Variants in MSI1 observed in about 807,000 individuals in gnomAD.
The protein encoded by MSI1 is RNA-binding protein Musashi homolog 1.
A neutral mutation model predicts 54.4 loss-of-function variants in MSI1; 15 were observed. The observed-to-expected ratio is 0.28, with a 90% CI of 0.18 to 0.42. MSI1 has a LOEUF of 0.42. Ranked by LOEUF, MSI1 falls within the 20% of genes least tolerant of loss-of-function variation. MSI1 has a pLI of 1.00. For synonymous variants in MSI1, 200 were observed against 196.5 expected (o/e 1.02, Z -0.15); for missense variants, 304 against 506.0 (o/e 0.60, Z 3.83).
intron 11 of MSI1, among the ~76,000 whole-genome samples, chr12:120,349,892 G>A (rs1874448081): frequency 6.6e-6 from 1 of 152,220 alleles, no homozygotes; most frequent in Non-Finnish European, 1.5e-5. Flanking sequence ...CCCAGCATGT[G>A]CTTACCACAC....
intron 6 of MSI1, among the ~76,000 whole-genome samples, chr12:120,359,664 C>T (rs1385429745): frequency 2.0e-5 from 3 of 152,180 alleles, no homozygotes; most frequent in Non-Finnish European, 1.5e-5. Context: ...ATCATCCATC[C>T]TCTCTTGGAC....
intron 10 of MSI1, among the ~76,000 whole-genome samples, chr12:120,351,712 T>C (rs1039087922): frequency 5.3e-4 from 6 of 11,366 alleles, no homozygotes; most frequent in African/African-American, 2.4e-3. Context: ...TCTTTCTCTC[T>C]TTTTTTTTTT....
At chr12:120,345,672 T>C in intron 13 of MSI1, 40 bp from the exon 14 acceptor site, 1 of 1,610,450 alleles carries the variant, frequency 6.2e-7, no homozygotes, top group East Asian at 2.2e-5. Context: ...TCCTGGGAAA[T>C]AGAGGAAGAT....
chr12:120,340,249 G>A (rs772683834), downstream of MSI1, among the ~76,000 whole-genome samples: 22 of 151,892 alleles, frequency 1.4e-4, no homozygotes, highest in Non-Finnish European at 3.1e-4. Flanking sequence ...ACCACACCCA[G>A]CTAATTTTTT....
intron 12 of MSI1, 149 bp from the exon 13 acceptor site, chr12:120,346,471 T>A: frequency 1.4e-6 from 1 of 736,706 alleles, no homozygotes; most frequent in Non-Finnish European, 2.0e-6. Flanking sequence ...CCCATGCCCA[T>A]CCACCCAGTC....
At chr12:120,361,581 G>A (rs1390267867) in intron 6 of MSI1, 1 of 152,592 alleles carries the variant, frequency 6.6e-6, no homozygotes, top group Non-Finnish European at 1.5e-5. Flanking sequence ...GAGGGCAGGG[G>A]GGATCGGGCG....
chr12:120,365,659 C>T (rs535620767), intron 4 of MSI1, among the ~76,000 whole-genome samples: 1 of 152,320 alleles, frequency 6.6e-6, no homozygotes, highest in African/African-American at 2.4e-5. Flanking sequence ...GTACTATCAA[C>T]ATCAAATAGC....
Position 120,368,162 on chromosome 12 carries a change from G to A in MSI1, c.182+30C>T, listed in dbSNP as rs1039751095. ...AGTGGCGGGTGGAGGGGGGCGAGCCGGGAGCAGGAGGAGGGGGTGAGGGGC... is the reference window on the plus strand; with the variant it reads ...AGTGGCGGGTGGAGGGGGGCGAGCCAGGAGCAGGAGGAGGGGGTGAGGGGC... On this transcript the variant is annotated intron_variant, in intron 3 of 14. Coordinates refer to ENST00000257552, the MANE Select transcript of MSI1 (RefSeq NM_002442.4). This position sits in a 1 kb window ranked among gnomAD's most constrained non-coding sequence, Gnocchi z 6.6. 5 of 1,579,416 alleles carry A rather than the reference G, an allele frequency of 3.2e-6. No individual in the cohort carries two copies. The highest frequency in any genetic ancestry group is 4.3e-6 in the Non-Finnish European group (5 of 1,162,052).
At chr12:120,344,220 T>G (rs1315376210) in intron 14 of MSI1, among the ~76,000 whole-genome samples, 1 of 152,232 alleles carries the variant, frequency 6.6e-6, no homozygotes, top group East Asian at 1.9e-4. Context: ...TTTAACCACT[T>G]TCCTTTTGAT....
intron 9 of MSI1, 60 bp downstream of exon 9, chr12:120,356,842 C>T: frequency 2.7e-6 from 4 of 1,469,586 alleles, no homozygotes; most frequent in South Asian, 1.1e-5. Flanking sequence ...CCACACAGCC[C>T]CTGCTAGTCC....
intron 6 of MSI1, chr12:120,361,343 C>T (rs2136972023): frequency 6.6e-6 from 1 of 152,512 alleles, no homozygotes; most frequent in South Asian, 2.1e-4. Context: ...CCTTCCTCCA[C>T]CCAACCCTGC....
chr12:120,340,818 T>C (rs922437846), downstream of MSI1, among the ~76,000 whole-genome samples: 52 of 152,114 alleles, frequency 3.4e-4, no homozygotes, highest in African/African-American at 1.3e-3. Flanking sequence ...TCTGCCTTCA[T>C]TTCTTTATGG....
intron 11 of MSI1, among the ~76,000 whole-genome samples, chr12:120,348,238 C>T (rs997862588): frequency 7.9e-5 from 12 of 152,200 alleles, no homozygotes; most frequent in African/African-American, 1.9e-4. Flanking sequence ...GCCACCTCTG[C>T]AGCACCTAGC....
rs1874703518 is a variant in MSI1, at chr12:120,352,499, T to C, written c.733+800A>G. ...CACTTCCTAGTTGGCTCATCTTAGC[T>C]TTGTCATTCTTCCTCTGAGCCTATG... On this transcript the variant is annotated intron_variant, in intron 10 of 14. Coordinates refer to ENST00000257552, the MANE Select transcript of MSI1 (RefSeq NM_002442.4). 3.3e-5 allele frequency among the ~76,000 whole-genome samples: 5 copies of C among 152,156 alleles called. No homozygotes were observed. The South Asian group carries it at 1.0e-3, about 32-fold the overall frequency.
At chr12:120,354,948 CT>C (rs1874952687) in intron 9 of MSI1, among the ~76,000 whole-genome samples, 1 of 143,184 alleles carries the variant, frequency 7.0e-6, no homozygotes, top group Non-Finnish European at 1.5e-5. Flanking sequence ...CACCACAACA[CT>C]TTGGGAACCT....
chr12:120,356,897 C>T lies in MSI1; in HGVS notation c.652+5G>A. On this transcript the variant is annotated splice_donor_5th_base_variant and intron_variant, in intron 9 of 14. Coordinates refer to ENST00000257552, the MANE Select transcript of MSI1 (RefSeq NM_002442.4). ...AAGAAGCCGCAGGCGCAGGCTCGCG[C>T]ATACCCAGCATGCCGATGCCCAGCA... is the stretch of plus-strand genomic sequence containing the variant. 6.2e-7 allele frequency: 1 copy of T among 1,613,130 alleles called. No homozygotes were observed. Among genetic ancestry groups the T allele is most frequent in the Non-Finnish European group, 8.5e-7 (1 of 1,179,564 alleles).
rs539623345 is a variant in MSI1 at position 120,341,685 on chromosome 12, G to A, written c.*1442C>T. The A allele has an allele frequency of 3.3e-5, 5 of 151,520 alleles. No individual in the cohort carries two copies. Among genetic ancestry groups the A allele is most frequent in the South Asian group, 4.2e-4 (2 of 4,784 alleles). 9.4% of individuals were successfully genotyped at this position (151,520 alleles called of 1,614,324 possible). A position where few individuals can be genotyped will look rare whatever the true frequency, so the allele number is the denominator to read the frequency against. ...AAAAAAACCCAAAACACGAACAGCC[G>A]CGCATCTCAGTAACAAAGATTATTG... On this transcript the variant is annotated 3_prime_UTR_variant, in exon 15 of 15. Transcript: ENST00000257552.
chr12:120,350,196 T>G (rs906294943), intron 11 of MSI1, among the ~76,000 whole-genome samples: 2 of 152,184 alleles, frequency 1.3e-5, no homozygotes, highest in African/African-American at 4.8e-5. Flanking sequence ...GGCTAGTTTT[T>G]TATTTTTTTT....
At position 120,368,974 on chromosome 12, in the gene MSI1, T is replaced by A. The variant is rs1328531158; in HGVS notation, c.59+59A>T. 6.5e-5 allele frequency: 74 copies of A among 1,145,064 alleles called. No homozygotes were observed. The highest frequency in any genetic ancestry group is 7.7e-5 in the Non-Finnish European group (72 of 929,090). The allele number at this position is 1,145,064 out of a possible 1,614,324, so 70.9% of individuals were successfully genotyped here. A position where few individuals can be genotyped will look rare whatever the true frequency, so the allele number is the denominator to read the frequency against. On this transcript the variant is annotated intron_variant, in intron 1 of 14. Coordinates refer to ENST00000257552, the MANE Select transcript of MSI1 (RefSeq NM_002442.4). This position sits in a 1 kb window ranked among gnomAD's most constrained non-coding sequence, Gnocchi z 6.6. ...CCGGGGAGGCCCGGCCGGACCCGGA[T>A]CGGCCATGTTGGCGGGGCCGGGGCG...
Sources: allele counts gnomAD v4.1 joint callset (sites outside exome capture counted in the v4.1 genomes callset), GRCh38; gene constraint gnomAD v4.1.1; non-coding constraint Gnocchi (gnomAD v3.1); transcripts MANE v1.5; gene names NCBI Gene and HGNC (gene_info 2026-07-23, HGNC 2026-07-21).